Variants in OSBPL6 observed in about 807,000 individuals in gnomAD.
The protein encoded by OSBPL6 is oxysterol binding protein like 6.
Under a neutral mutation model 125.8 loss-of-function variants are expected in OSBPL6, and 49 were observed. The ratio of observed to expected loss-of-function variants is 0.39; its 90% CI spans 0.31 to 0.49. OSBPL6 has a LOEUF of 0.49. Ranked by LOEUF, OSBPL6 falls within the 20% of genes least tolerant of loss-of-function variation. The pLI, the probability that OSBPL6 is intolerant of heterozygous loss-of-function variation, is 0.88. For missense variants in OSBPL6, 986 were observed against 1,135.4 expected, an observed-to-expected ratio of 0.87 and a Z score of 1.89; for synonymous variants, 394 against 391.8, an observed-to-expected ratio of 1.01 and a Z score of -0.07.
intron 1 of OSBPL6, among the ~76,000 whole-genome samples, chr2:178,238,423 G>A (rs1010552846): frequency 6.6e-6 from 1 of 152,008 alleles, no homozygotes. Flanking sequence ...CGTAATAATG[G>A]CCCCAAAGTG....
At chr2:178,329,052 G>A (rs926144709) in intron 5 of OSBPL6, among the ~76,000 whole-genome samples, 3 of 152,008 alleles carry the variant, frequency 2.0e-5, no homozygotes, top group Non-Finnish European at 4.4e-5. Context: ...CACTGCTATC[G>A]AACTAATTCC....
At chr2:178,345,300 GA>G (rs1222171967) in intron 11 of OSBPL6, among the ~76,000 whole-genome samples, 2 of 152,162 alleles carry the variant, frequency 1.3e-5, no homozygotes, top group Admixed American at 6.5e-5. Context: ...TAGAATTGCT[GA>G]AAAAATATGA....
chr2:178,222,863 C>T (rs2090399971), intron 1 of OSBPL6, among the ~76,000 whole-genome samples: 1 of 152,130 alleles, frequency 6.6e-6, no homozygotes, highest in Admixed American at 6.5e-5. Flanking sequence ...ATATTTTCTT[C>T]TCTAGTATTT....
chr2:178,310,669 G>A (rs981793669), intron 3 of OSBPL6, among the ~76,000 whole-genome samples: 17 of 151,650 alleles, frequency 1.1e-4, no homozygotes, highest in South Asian at 2.1e-4. Context: ...CGCCCACCTC[G>A]GCCTCCCAAA....
chr2:178,213,639 T>G lies in OSBPL6; in HGVS notation c.-351+18965T>G, dbSNP rs147376661. The stretch of plus-strand genomic sequence containing the variant: ...GAAAATATTAAAAGCACAAGTCTGA[T>G]CATGTCACTATGTGCTTAAACACGT... On this transcript the variant is annotated intron_variant, in intron 1 of 24. Transcript: ENST00000190611. 4.3e-3 allele frequency among the ~76,000 whole-genome samples: 655 copies of G among 152,346 alleles called. 5 individuals carry two copies. Among genetic ancestry groups the G allele is most frequent in the African/African-American group, 0.015 (637 of 41,572 alleles).
intron 8 of OSBPL6, among the ~76,000 whole-genome samples, chr2:178,334,680 C>T (rs545537604): frequency 6.6e-6 from 1 of 152,224 alleles, no homozygotes; most frequent in Admixed American, 6.5e-5. Flanking sequence ...CGGGTGCCTA[C>T]CACCACACCC....
At chr2:178,306,316 T>G (rs1686756689) in intron 3 of OSBPL6, 30 bp downstream of exon 3, 1 of 1,372,342 alleles carries the variant, frequency 7.3e-7, no homozygotes, top group Middle Eastern at 1.8e-4. Context: ...TGCCTTTGGT[T>G]GTTTTATGCA....
intron 5 of OSBPL6, among the ~76,000 whole-genome samples, chr2:178,329,372 T>C (rs1042835633): frequency 2.6e-5 from 4 of 152,106 alleles, no homozygotes; most frequent in Non-Finnish European, 4.4e-5. Flanking sequence ...AGGAGAAAGT[T>C]GCCGTACATT....
At chr2:178,286,404 T>C (rs1039654090) in intron 2 of OSBPL6, among the ~76,000 whole-genome samples, 13 of 152,246 alleles carry the variant, frequency 8.5e-5, no homozygotes, top group Non-Finnish European at 1.9e-4. Context: ...GTATATGAGG[T>C]CACTTCTATG....
chr2:178,244,156 C>T (rs2091404795), intron 1 of OSBPL6, among the ~76,000 whole-genome samples: 1 of 152,194 alleles, frequency 6.6e-6, no homozygotes, highest in African/African-American at 2.4e-5. Context: ...AAATTCCTGG[C>T]ACACCCAGTC....
chr2:178,393,294 A>G (rs1211775712), intron 23 of OSBPL6, among the ~76,000 whole-genome samples: 5 of 152,336 alleles, frequency 3.3e-5, no homozygotes, highest in East Asian at 1.9e-4. Context: ...AATTTGCCCA[A>G]TGTGGTTTTG....
At position 178,200,239 on chromosome 2, in the gene OSBPL6, C is replaced by T. The variant is rs952098482; in HGVS notation, c.-351+5565C>T. Among the ~76,000 whole-genome samples, 7 of 141,672 alleles carry T rather than the reference C, an allele frequency of 4.9e-5. No individual in the cohort carries two copies. The East Asian group carries it at 1.4e-3, about 29-fold the overall frequency. 92.9% of individuals were successfully genotyped at this position (141,672 alleles called of 152,430 possible). A position where few individuals can be genotyped will look rare whatever the true frequency, so the allele number is the denominator to read the frequency against. On this transcript the variant is annotated intron_variant, in intron 1 of 24. Transcript: ENST00000190611. ...AATGCAAGCAAGCAAGGTTCTGTTT[C>T]TTCAGACCTTTTTTTTTTTTTTTTT... is the stretch of plus-strand genomic sequence containing the variant.
At chr2:178,299,748 A>C (rs1686112315) in intron 2 of OSBPL6, among the ~76,000 whole-genome samples, 1 of 152,246 alleles carries the variant, frequency 6.6e-6, no homozygotes, top group South Asian at 2.1e-4. Flanking sequence ...AACTTACTTC[A>C]GATACAAAAT....
intron 1 of OSBPL6, among the ~76,000 whole-genome samples, chr2:178,275,691 C>A (rs1035618586): frequency 1.2e-4 from 17 of 147,342 alleles, no homozygotes; most frequent in African/African-American, 4.3e-4. Flanking sequence ...GGCCTCAAAG[C>A]GAGACAAGGT....
chr2:178,360,798 A>G (rs1288324689), intron 12 of OSBPL6, among the ~76,000 whole-genome samples: 1 of 152,228 alleles, frequency 6.6e-6, no homozygotes, highest in African/African-American at 2.4e-5. Flanking sequence ...AATGTAGCAC[A>G]TAAATCAATA....
At chr2:178,203,941 C>T (rs1387385686) in intron 1 of OSBPL6, among the ~76,000 whole-genome samples, 1 of 151,844 alleles carries the variant, frequency 6.6e-6, no homozygotes, top group Non-Finnish European at 1.5e-5. Flanking sequence ...ATCTCTAGTG[C>T]GTTCTAGTGT....
chr2:178,221,658 ATTC>A (rs2153970030), intron 1 of OSBPL6, among the ~76,000 whole-genome samples: 1 of 152,360 alleles, frequency 6.6e-6, no homozygotes, highest in Admixed American at 6.5e-5. Context: ...AGTACAGTCT[ATTC>A]TTACAGAGAT....
In OSBPL6 at chr2:178,210,707, G is replaced by C. The variant is rs978626555; in HGVS notation, c.-351+16033G>C. On this transcript the variant is annotated intron_variant, in intron 1 of 24. Coordinates refer to ENST00000190611, the MANE Select transcript of OSBPL6 (RefSeq NM_032523.4). Reference sequence around the variant, plus strand: ...CATGCCTGTAATCCCAGCTACTTGGGAGGCTGAGGCAGTAAAATCACTTGA... The same window carrying C: ...CATGCCTGTAATCCCAGCTACTTGGCAGGCTGAGGCAGTAAAATCACTTGA... 9.2e-5 allele frequency among the ~76,000 whole-genome samples: 14 copies of C among 152,018 alleles called. 1 individual carries two copies. The highest frequency in any genetic ancestry group is 6.3e-3 in the Middle Eastern group (2 of 316).
intron 1 of OSBPL6, among the ~76,000 whole-genome samples, chr2:178,261,119 G>A (rs545011449): frequency 6.6e-6 from 1 of 152,226 alleles, no homozygotes; most frequent in East Asian, 1.9e-4. Context: ...GCAACAGAGT[G>A]AAACTCCATC....
Sources: allele counts gnomAD v4.1 joint callset (sites outside exome capture counted in the v4.1 genomes callset), GRCh38; gene constraint gnomAD v4.1.1; transcripts MANE v1.5; gene names NCBI Gene and HGNC (gene_info 2026-07-23, HGNC 2026-07-21).